The following RANBP17 variants were observed in gnomAD, a reference collection of about 807,000 sequenced individuals.
RANBP17 encodes the protein ran-binding protein 17.
In RANBP17, 158 loss-of-function variants were observed where a neutral mutation model predicts 141.2. That is an observed-to-expected ratio of 1.12 (90% CI 0.98 to 1.28). The LOEUF is 1.28. Ranked by LOEUF, RANBP17 falls within the 50% of genes most tolerant of loss-of-function variation. The pLI is 0.00. For missense variants in RANBP17, 1,438 were observed against 1,290.7 expected (o/e 1.11, Z -1.75); for synonymous variants, 430 against 450.0 (o/e 0.96, Z 0.56).
intron 1 of RANBP17, among the ~76,000 whole-genome samples, chr5:170,862,340 G>T (rs1043905570): frequency 6.6e-6 from 1 of 152,226 alleles, no homozygotes; most frequent in Non-Finnish European, 1.5e-5. Context: ...GGAAGGTGCG[G>T]ACGCCGGCAG....
chr5:170,947,507 G>T (rs1438582176), intron 12 of RANBP17, among the ~76,000 whole-genome samples: 1 of 152,104 alleles, frequency 6.6e-6, no homozygotes, highest in African/African-American at 2.4e-5. Context: ...AATGCTGGGG[G>T]GGATTGTATT....
intron 3 of RANBP17, among the ~76,000 whole-genome samples, chr5:170,884,274 AC>A (rs760687497): frequency 6.6e-6 from 1 of 152,040 alleles, no homozygotes; most frequent in Non-Finnish European, 1.5e-5. Flanking sequence ...AGGGGCATTG[AC>A]CCCCTGCGCA....
rs1048587151 is a variant in RANBP17, at chr5:171,071,014, A to G, written c.1711-99116A>G. ...ACTGTTCTGCAAGTATATGTGCCAGAAATTCCTAGAAATAAAATTGCTGGG... is the reference window on the plus strand; with the variant it reads ...ACTGTTCTGCAAGTATATGTGCCAGGAATTCCTAGAAATAAAATTGCTGGG... On this transcript the variant is annotated intron_variant, in intron 14 of 27. Coordinates refer to ENST00000523189, the MANE Select transcript of RANBP17 (RefSeq NM_022897.5). 2.6e-5 allele frequency among the ~76,000 whole-genome samples: 4 copies of G among 152,270 alleles called. No individual in the cohort carries two copies. The East Asian group carries it at 5.8e-4, about 22-fold the overall frequency.
At chr5:170,960,280 C>G (rs1359110150) in intron 13 of RANBP17, among the ~76,000 whole-genome samples, 1 of 152,168 alleles carries the variant, frequency 6.6e-6, no homozygotes, top group African/African-American at 2.4e-5. Context: ...TTTTTAACCT[C>G]AACTAGGCCC....
In RANBP17 at chr5:171,242,687, C is replaced by T. The variant is rs758507252; in HGVS notation, c.2643C>T (p.Tyr881=). 4 of 1,613,272 alleles carry T rather than the reference C, an allele frequency of 2.5e-6. No homozygotes were observed. Among genetic ancestry groups the T allele is most frequent in the Admixed American group, 3.3e-5 (2 of 59,882 alleles). Residue 881 remains tyrosine (Y), a synonymous_variant, in exon 24 of 28, where the codon TAC becomes TAT. Transcript: ENST00000523189. ...AGTATATCTCTGTGTTGTAGCAATA[C>T]CGGAAACTGAGCCAGTCTTATTATC... is the stretch of plus-strand genomic sequence containing the variant. ...LSVSHSDLLQ[Y]RKLSQSYYPL... is the part of the protein sequence containing the mutation.
chr5:171,163,325 T>A (rs754725491), intron 14 of RANBP17, among the ~76,000 whole-genome samples: 1 of 152,222 alleles, frequency 6.6e-6, no homozygotes, highest in East Asian at 1.9e-4. Flanking sequence ...TCTCTTGTTA[T>A]GGTGATAAGT....
At chr5:170,870,601 T>G (rs1010119317) in intron 1 of RANBP17, among the ~76,000 whole-genome samples, 1 of 152,230 alleles carries the variant, frequency 6.6e-6, no homozygotes. Context: ...GTACCACATT[T>G]TCTTTATCCA....
intron 5 of RANBP17, among the ~76,000 whole-genome samples, chr5:170,905,438 C>T (rs1347567957): frequency 2.0e-5 from 3 of 152,042 alleles, no homozygotes; most frequent in African/African-American, 7.2e-5. Flanking sequence ...AACATTATAG[C>T]CATGTGCATA....
chr5:171,253,022 A>T, intron 24 of RANBP17: 1 of 1,099,262 alleles, frequency 9.1e-7, no homozygotes, highest in East Asian at 2.4e-5. Context: ...TTTCTGCCGC[A>T]TTTCTTCTCT....
intron 14 of RANBP17, among the ~76,000 whole-genome samples, chr5:171,021,497 T>C (rs1415317432): frequency 2.0e-5 from 3 of 152,166 alleles, no homozygotes; most frequent in African/African-American, 7.2e-5. Context: ...TCTACTCTTG[T>C]CTTTGTGACT....
intron 14 of RANBP17, among the ~76,000 whole-genome samples, chr5:171,082,165 C>T (rs1785292362): frequency 6.6e-6 from 1 of 152,118 alleles, no homozygotes; most frequent in African/African-American, 2.4e-5. Flanking sequence ...GTGTTACACA[C>T]CTGACTTGCG....
At chr5:171,207,278 T>C (rs1239395348) in intron 20 of RANBP17, 1 of 152,480 alleles carries the variant, frequency 6.6e-6, no homozygotes, top group Non-Finnish European at 1.5e-5. Flanking sequence ...TATCTAGTGA[T>C]TAACATTTCA....
At chr5:171,157,433 A>G (rs1332315889) in intron 14 of RANBP17, among the ~76,000 whole-genome samples, 1 of 152,212 alleles carries the variant, frequency 6.6e-6, no homozygotes, top group Non-Finnish European at 1.5e-5. Context: ...CATCATTTAT[A>G]TAGGGATTGC....
intron 16 of RANBP17, among the ~76,000 whole-genome samples, chr5:171,179,614 T>C (rs1760751335): frequency 1.3e-5 from 2 of 152,204 alleles, no homozygotes; most frequent in African/African-American, 4.8e-5. Flanking sequence ...CCCACTCTCT[T>C]GTACTTAGTG....
At chr5:171,092,359 G>A (rs1010910801) in intron 14 of RANBP17, among the ~76,000 whole-genome samples, 1 of 152,174 alleles carries the variant, frequency 6.6e-6, no homozygotes, top group Non-Finnish European at 1.5e-5. Context: ...AAGAAATTCT[G>A]TTGCAGTGAC....
chr5:171,040,121 C>G (rs1278553993), intron 14 of RANBP17, among the ~76,000 whole-genome samples: 1 of 152,072 alleles, frequency 6.6e-6, no homozygotes, highest in Admixed American at 6.6e-5. Flanking sequence ...AAAATCCCCC[C>G]AAAAATACTA....
intron 4 of RANBP17, among the ~76,000 whole-genome samples, chr5:170,893,747 T>C (rs1581073564): frequency 6.6e-6 from 1 of 150,996 alleles, no homozygotes; most frequent in Admixed American, 6.6e-5. Context: ...GAGCGGAGAT[T>C]GCGCCACTGC....
intron 5 of RANBP17, among the ~76,000 whole-genome samples, chr5:170,908,484 T>C (rs1771252916): frequency 6.6e-6 from 1 of 150,836 alleles, no homozygotes; most frequent in African/African-American, 2.4e-5. Flanking sequence ...GACATAAAGA[T>C]GGCAACAGTA....
At chr5:171,080,221 T>G (rs1159709040) in intron 14 of RANBP17, among the ~76,000 whole-genome samples, 1 of 144,606 alleles carries the variant, frequency 6.9e-6, no homozygotes. Flanking sequence ...TAGTGATATA[T>G]TATCTTACAT....
Sources: gnomAD v4.1 joint callset for allele counts (sites outside exome capture counted in the v4.1 genomes callset) on GRCh38, gnomAD v4.1.1 for gene constraint, MANE v1.5 for transcripts, NCBI Gene and HGNC (gene_info 2026-07-23, HGNC 2026-07-21) for gene names.